The following HEATR1 variants were observed in gnomAD, a reference collection of about 807,000 sequenced individuals.
HEATR1 encodes the protein HEAT repeat-containing protein 1.
Under a neutral mutation model 248.2 loss-of-function variants are expected in HEATR1, and 77 were observed. The observed-to-expected ratio is 0.31, with a 90% CI of 0.26 to 0.37. The LOEUF is 0.37. Among genes scored for constraint, HEATR1 ranks in the 10% least tolerant of loss-of-function variants. The pLI, the probability that HEATR1 is intolerant of heterozygous loss-of-function variation, is 1.00. For missense variants in HEATR1, 2,420 were observed against 2,504.9 expected (o/e 0.97, Z 0.72); for synonymous variants, 897 against 923.1 (o/e 0.97, Z 0.51).
At chr1:236,596,069 A>G (rs1191751768) in intron 6 of HEATR1, 25 bp from the exon 7 acceptor site, 1 of 1,504,460 alleles carries the variant, frequency 6.6e-7, no homozygotes, top group Non-Finnish European at 9.2e-7. Context: ...AATATAAGGA[A>G]AAATGATAAA....
chr1:236,584,416 G>A (rs1199550794), intron 17 of HEATR1, among the ~76,000 whole-genome samples: 1 of 152,138 alleles, frequency 6.6e-6, no homozygotes, highest in Non-Finnish European at 1.5e-5. Context: ...ATACGTAAAT[G>A]TGAAAAAGAT....
intron 20 of HEATR1, 127 bp from the exon 21 acceptor site, chr1:236,577,076 G>A (rs1663581199): frequency 4.5e-6 from 3 of 670,602 alleles, no homozygotes; most frequent in Non-Finnish European, 7.2e-6. Flanking sequence ...TCTGTTCACT[G>A]TTTGAATATT....
intron 22 of HEATR1, 62 bp from the exon 23 acceptor site, chr1:236,574,965 A>G (rs1219881069): frequency 1.1e-5 from 17 of 1,488,632 alleles, no homozygotes; most frequent in East Asian, 2.3e-5. Context: ...TGCTCACTCT[A>G]CAGAGACACT....
At chr1:236,560,529 C>T (rs1262567608) in intron 33 of HEATR1, among the ~76,000 whole-genome samples, 1 of 152,118 alleles carries the variant, frequency 6.6e-6, no homozygotes, top group Non-Finnish European at 1.5e-5. Flanking sequence ...GCTCCAAAAA[C>T]GAAAGTCCTA....
In HEATR1 at chr1:236,583,043, C is replaced by A; in HGVS notation, c.2395G>T (p.Ala799Ser). 6 of 1,614,050 alleles carry A rather than the reference C, an allele frequency of 3.7e-6. No individual in the cohort carries two copies. Among genetic ancestry groups the A allele is most frequent in the Non-Finnish European group, 5.1e-6 (6 of 1,179,992 alleles). The change falls in exon 18 of 45, where the codon GCA becomes TCA. Residue 799 changes from alanine to serine, a missense_variant. Transcript: ENST00000366582. ...GGAAAAGATTTAGGAGCTTTCAGTG[C>A]ATAAATAAATTTTTTCAAGGAAAAT... is the stretch of plus-strand genomic sequence containing the variant. ...LVFSLKKFIY[A>S]LKAPKSFPKG...
rs764580859 is a variant in HEATR1 at position 236,585,181 on chromosome 1, G to C, written c.2085C>G (p.Ser695=). 6.2e-7 allele frequency: 1 copy of C among 1,613,656 alleles called. No individual in the cohort carries two copies. The highest frequency in any genetic ancestry group is 2.2e-5 in the East Asian group (1 of 44,864). Residue 695 remains serine, a synonymous_variant, in exon 17 of 45, where the codon TCC becomes TCG. Coordinates refer to ENST00000366582, the MANE Select transcript of HEATR1 (RefSeq NM_018072.6). ...ACGTTACTTTCTGCTTCAGGTTAAA[G>C]GACTCCTCCTCACCCACGCTTATTA... ...EDLISVGEEE[S]FNLKQKVTFH...
chr1:236,555,218 C>G (rs1662929730), intron 41 of HEATR1, 78 bp downstream of exon 41: 1 of 1,450,550 alleles, frequency 6.9e-7, no homozygotes, highest in African/African-American at 1.4e-5. Context: ...TGCTTCCAAG[C>G]ACTAGGTTGT....
In HEATR1 at chr1:236,571,752, T is replaced by C. The variant is rs77521122; in HGVS notation, c.3708-66A>G. On this transcript the variant is annotated intron_variant, in intron 26 of 44. Coordinates refer to ENST00000366582, the MANE Select transcript of HEATR1 (RefSeq NM_018072.6). ...GTTGTACAATTCATTGTTACATTAA[T>C]GGCCATTGTCCAGAACTCATTCAAT... is the stretch of plus-strand genomic sequence containing the variant. 6,652 of 1,170,604 alleles carry C rather than the reference T, an allele frequency of 5.7e-3. 254 individuals carry two copies. The African/African-American group carries it at 0.085, about 15-fold the overall frequency. The allele number at this position is 1,170,604 out of a possible 1,614,324, so 72.5% of individuals were successfully genotyped here. A position where few individuals can be genotyped will look rare whatever the true frequency, so the allele number is the denominator to read the frequency against.
At chr1:236,604,322 TTC>T in intron 1 of HEATR1, 98 bp downstream of exon 1, 1 of 432,128 alleles carries the variant, frequency 2.3e-6, no homozygotes, top group Non-Finnish European at 4.0e-6. Flanking sequence ...CGCCAAGGCT[TTC>T]CTTCAACCCT....
chr1:236,574,124 C>A, intron 24 of HEATR1, 78 bp downstream of exon 24: 2 of 1,299,426 alleles, frequency 1.5e-6, no homozygotes. Flanking sequence ...CTATAAAATA[C>A]AGGACTCTTA....
At chr1:236,604,296 A>C (rs752209994) in intron 1 of HEATR1, 126 bp downstream of exon 1, 14 of 483,386 alleles carry the variant, frequency 2.9e-5, no homozygotes, top group Admixed American at 4.4e-5. Flanking sequence ...ACAACTAATT[A>C]CAGTAGCGGC....
At position 236,576,790 on chromosome 1, in the gene HEATR1, T is replaced by G; in HGVS notation, c.2915A>C (p.Tyr972Ser). 6.2e-7 allele frequency: 1 copy of G among 1,611,360 alleles called. No individual in the cohort carries two copies. The change falls in exon 21 of 45, where the codon TAT becomes TCT. Residue 972 changes from tyrosine to serine, a missense_variant. Physicochemically the swap from Tyr to Ser is moderately radical, Grantham distance 144. Transcript: ENST00000366582. ...KAEEITSDAA[Y>S]VIQDLATLFE... is the part of the protein sequence containing the mutation. ...TGCTAACGAGCTTACCTGAATAACA[T>G]AGGCAGCATCTGAAGTGATCTCCTC...
chr1:236,552,791 TA>T (rs567759305), intron 43 of HEATR1: 1 of 152,208 alleles, frequency 6.6e-6, no homozygotes, highest in Admixed American at 6.5e-5. Flanking sequence ...AGTGAATTAT[TA>T]AAAAACCATT....
intron 4 of HEATR1, 77 bp from the exon 5 acceptor site, chr1:236,598,056 T>C: frequency 1.2e-6 from 1 of 862,378 alleles, no homozygotes; most frequent in Non-Finnish European, 1.9e-6. Flanking sequence ...ACCCTAGTAA[T>C]GTCTTCATAC....
chr1:236,552,819 C>A (rs2103121524), intron 43 of HEATR1: 1 of 152,258 alleles, frequency 6.6e-6, no homozygotes, highest in Middle Eastern at 3.4e-3. Context: ...TACCTAGATT[C>A]AATCAGGATT....
chr1:236,581,533 T>C, intron 19 of HEATR1, 119 bp from the exon 20 acceptor site: 1 of 670,998 alleles, frequency 1.5e-6, no homozygotes, highest in Admixed American at 3.6e-5. Context: ...AAGTTTTGCT[T>C]TGTCTAATCA....
intron 14 of HEATR1, 101 bp downstream of exon 14, chr1:236,587,301 A>G (rs927115909): frequency 3.6e-5 from 17 of 468,534 alleles, no homozygotes; most frequent in African/African-American, 2.0e-4. Flanking sequence ...CAAAAGGGTC[A>G]TGTAATCAAA....
At chr1:236,561,031 T>A (rs968778289) in intron 33 of HEATR1, among the ~76,000 whole-genome samples, 194 bp downstream of exon 33, 21 of 152,336 alleles carry the variant, frequency 1.4e-4, no homozygotes, top group Admixed American at 1.1e-3. Context: ...ACATAATGTA[T>A]ATGATTTACT....
chr1:236,568,902 AAAAAAAAACT>A, intron 29 of HEATR1, 84 bp downstream of exon 29: 2 of 918,628 alleles, frequency 2.2e-6, no homozygotes, highest in East Asian at 3.5e-5. Context: ...AAAAAACAAA[AAAAAAAAACT>A]AAAAAAAAGG....
Sources: allele counts gnomAD v4.1 joint callset (sites outside exome capture counted in the v4.1 genomes callset), GRCh38; gene constraint gnomAD v4.1.1; transcripts MANE v1.5; gene names NCBI Gene and HGNC (gene_info 2026-07-23, HGNC 2026-07-21).